The following UROS variants were observed in gnomAD, a reference collection of about 807,000 sequenced individuals.
The protein encoded by UROS is uroporphyrinogen III synthase, also known as uroporphyrinogen-III synthase.
A neutral mutation model predicts 33.0 loss-of-function variants in UROS; 18 were observed. The observed-to-expected ratio is 0.55, with a 90% CI of 0.38 to 0.81. The LOEUF is 0.81. Among genes scored for constraint, UROS ranks in the 30% least tolerant of loss-of-function variants. UROS has a pLI of 0.00. For synonymous variants in UROS, 114 were observed against 121.1 expected, an observed-to-expected ratio of 0.94 and a Z score of 0.38; for missense variants, 293 against 314.9, an observed-to-expected ratio of 0.93 and a Z score of 0.53.
chr10:125,798,205 T>C (rs1851525474), intron 6 of UROS, 60 bp from the exon 7 acceptor site: 3 of 1,571,740 alleles, frequency 1.9e-6, no homozygotes, highest in African/African-American at 2.7e-5. Context: ...CACAGGGGAA[T>C]GGGGAGGGGC....
rs1260187877 is a variant in UROS at position 125,815,117 on chromosome 10, T to C, written c.161A>G (p.Glu54Gly). Residue 54 changes from glutamate to glycine, a missense_variant, in exon 4 of 10, where the codon GAA becomes GGA. Transcript: ENST00000368797. ...GGTAAAAATGAGTCCCCCGTAATCT[T>C]CAGGATGAGAAAGCTGCACACCAAA... ...PSFSEKLSHP[E>G]DYGGLIFTSP... 1 of 1,614,160 alleles carries C rather than the reference T, an allele frequency of 6.2e-7. No homozygotes were observed. Among genetic ancestry groups the C allele is most frequent in the Non-Finnish European group, 8.5e-7 (1 of 1,180,008 alleles).
intron 1 of UROS, among the ~76,000 whole-genome samples, chr10:125,816,986 G>T (rs957641172): frequency 3.9e-5 from 6 of 152,178 alleles, no homozygotes; most frequent in Non-Finnish European, 5.9e-5. Flanking sequence ...TAAACGTCAA[G>T]TATCATAAGA....
intron 1 of UROS, among the ~76,000 whole-genome samples, chr10:125,822,281 C>T (rs151250670): frequency 6.6e-6 from 1 of 151,228 alleles, no homozygotes; most frequent in African/African-American, 2.4e-5. Flanking sequence ...CAAATAGGCT[C>T]GGGTCTTTAA....
intron 8 of UROS, among the ~76,000 whole-genome samples, chr10:125,795,531 T>C (rs1197190962): frequency 6.6e-6 from 1 of 152,150 alleles, no homozygotes; most frequent in African/African-American, 2.4e-5. Flanking sequence ...GAGCTATCCA[T>C]TCTCCTGCCT....
At chr10:125,815,282 T>C in intron 3 of UROS, 152 bp from the exon 4 acceptor site, 1 of 851,414 alleles carries the variant, frequency 1.2e-6, no homozygotes, top group Non-Finnish European at 1.9e-6. Flanking sequence ...GAGTGCTTAC[T>C]ATGTGCCTGG....
intron 3 of UROS, 130 bp downstream of exon 3, chr10:125,816,047 G>A (rs1483340072): frequency 1.7e-5 from 17 of 971,650 alleles, no homozygotes; most frequent in Admixed American, 5.9e-5. Context: ...CTGGAGCCAG[G>A]TGAAGTTATG....
At chr10:125,815,200 C>A in intron 3 of UROS, 70 bp from the exon 4 acceptor site, 1 of 1,542,940 alleles carries the variant, frequency 6.5e-7, no homozygotes, top group Non-Finnish European at 8.9e-7. Context: ...GGAGCTAAGA[C>A]TCAGAATTCC....
chr10:125,822,319 ATT>A (rs544901269), intron 1 of UROS, among the ~76,000 whole-genome samples: 21 of 142,402 alleles, frequency 1.5e-4, no homozygotes, highest in Non-Finnish European at 1.1e-4. Context: ...GCCCCGAAGC[ATT>A]TTTTTTTTTT....
chr10:125,805,083 T>C (rs1045499090), intron 6 of UROS, among the ~76,000 whole-genome samples: 3 of 152,194 alleles, frequency 2.0e-5, no homozygotes, highest in South Asian at 2.1e-4. Context: ...CTGAAAGCCA[T>C]GTCCGAGCCG....
At chr10:125,789,387 G>A (rs1044824117) in intron 9 of UROS, 12 of 1,160,606 alleles carry the variant, frequency 1.0e-5, no homozygotes, top group African/African-American at 1.6e-5. Context: ...GGATGGTGTG[G>A]CAGGGGCAGT....
chr10:125,798,483 A>G (rs1213487493), intron 6 of UROS, among the ~76,000 whole-genome samples: 5 of 152,210 alleles, frequency 3.3e-5, no homozygotes, highest in African/African-American at 1.2e-4. Flanking sequence ...TTTGCACCTT[A>G]ACTAAGTCAG....
chr10:125,791,860 T>C (rs1204880965), intron 9 of UROS: 1 of 152,158 alleles, frequency 6.6e-6, no homozygotes, highest in Non-Finnish European at 1.5e-5. Context: ...CGGGTTTCTC[T>C]TTGGGGTGAT....
rs140569890 is a variant in UROS, at chr10:125,791,249, A to G, written c.661-2244T>C. ...ACAAACACATAAAAAGATGCTCAAC[A>G]CTGTTAGTCATTAGGGAAATCGAAA... On this transcript the variant is annotated intron_variant, in intron 9 of 9. Transcript: ENST00000368797. Among the ~76,000 whole-genome samples, 5 of 152,306 alleles carry G rather than the reference A, an allele frequency of 3.3e-5. No homozygotes were observed. The East Asian group carries it at 9.6e-4, about 29-fold the overall frequency.
At position 125,788,882 on chromosome 10, in the gene UROS, G is replaced by T; in HGVS notation, c.784C>A (p.His262Asn). ...ATGIRKALQP[H>N]GCC ...AGGTGGCTGACTCAGCAGCAGCCAT[G>T]GGGCTGGAGAGCCTTCCTGATGCCA... is the stretch of plus-strand genomic sequence containing the variant. Residue 262 changes from histidine to asparagine, a missense_variant, in exon 10 of 10, where the codon CAT (histidine) becomes AAT (asparagine). Coordinates refer to ENST00000368797, the MANE Select transcript of UROS (RefSeq NM_000375.3). 1 of 1,593,836 alleles carries T rather than the reference G, an allele frequency of 6.3e-7. No homozygotes were observed. Among genetic ancestry groups the T allele is most frequent in the East Asian group, 2.3e-5 (1 of 44,116 alleles).
At chr10:125,812,372 G>A in intron 4 of UROS, 84 bp from the exon 5 acceptor site, 1 of 1,246,734 alleles carries the variant, frequency 8.0e-7, no homozygotes, top group East Asian at 2.3e-5. Flanking sequence ...TTCACCCTAA[G>A]AAACTGTGAG....
chr10:125,815,914 G>C (rs1342672494), intron 3 of UROS, among the ~76,000 whole-genome samples: 1 of 152,172 alleles, frequency 6.6e-6, no homozygotes, highest in African/African-American at 2.4e-5. Context: ...GGACTGCTGA[G>C]AGCAATGCAG....
intron 6 of UROS, 45 bp downstream of exon 6, chr10:125,807,368 A>G (rs778646159): frequency 6.4e-7 from 1 of 1,563,366 alleles, no homozygotes; most frequent in Admixed American, 1.7e-5. Context: ...TGTGAGGTCA[A>G]CAAAAAATAA....
intron 7 of UROS, among the ~76,000 whole-genome samples, chr10:125,797,345 G>A (rs929227192): frequency 1.3e-5 from 2 of 152,160 alleles, no homozygotes. Flanking sequence ...CAGGTACCAT[G>A]GTTATGTACA....
chr10:125,788,831 C>A lies in UROS; in HGVS notation c.*37G>T, dbSNP rs372132511. 1,407 of 1,554,518 alleles carry A rather than the reference C, an allele frequency of 9.1e-4. 7 individuals carry two copies. In the African/African-American group the frequency reaches 0.016, roughly 18 times the overall value. ...GGCTCCATCCAGAGCCAGCCCAGCC[C>A]AGGGAGGCTGCATGGGGCCAGCGCT... On this transcript the variant is annotated 3_prime_UTR_variant, in exon 10 of 10. Transcript: ENST00000368797.
Sources: allele counts gnomAD v4.1 joint callset (sites outside exome capture counted in the v4.1 genomes callset), GRCh38; gene constraint gnomAD v4.1.1; transcripts MANE v1.5; gene names NCBI Gene and HGNC (gene_info 2026-07-23, HGNC 2026-07-21).